Variants in FGF12 observed in about 807,000 individuals in gnomAD.
FGF12 encodes the protein fibroblast growth factor 12, also known as fibroblast growth factor 12B.
Under a neutral mutation model 23.6 loss-of-function variants are expected in FGF12, and 14 were observed. That is an observed-to-expected ratio of 0.59 (90% CI 0.39 to 0.93). The LOEUF (loss-of-function observed/expected upper bound fraction) is 0.93. FGF12 is among the 40% of genes least tolerant of loss of function. FGF12 has a pLI of 0.00. For missense variants in FGF12, 175 were observed against 217.8 expected (o/e 0.80, Z 1.24); for synonymous variants, 62 against 77.3 (o/e 0.80, Z 1.04).
chr3:192,630,479 A>G (rs977268014), intron 2 of FGF12, among the ~76,000 whole-genome samples: 11 of 151,450 alleles, frequency 7.3e-5, no homozygotes, highest in African/African-American at 2.4e-4. Flanking sequence ...TACCTAACAA[A>G]GGCTGAACTA....
chr3:192,439,709 G>T (rs761770781), intron 2 of FGF12, among the ~76,000 whole-genome samples: 1 of 152,150 alleles, frequency 6.6e-6, no homozygotes, highest in Non-Finnish European at 1.5e-5. Context: ...AGGCGTGGTG[G>T]CTCACGCCTG....
intron 2 of FGF12, among the ~76,000 whole-genome samples, chr3:192,667,810 A>G (rs868137495): frequency 6.6e-6 from 1 of 151,996 alleles, no homozygotes; most frequent in Non-Finnish European, 1.5e-5. Context: ...AGAGTGAGAT[A>G]TTGACACATT....
chr3:192,413,150 T>A (rs963192480), intron 2 of FGF12, among the ~76,000 whole-genome samples: 1 of 152,180 alleles, frequency 6.6e-6, no homozygotes, highest in African/African-American at 2.4e-5. Context: ...AACAGAGGCT[T>A]TTTGGTCTTT....
chr3:192,291,303 A>T (rs559933162), intron 4 of FGF12, among the ~76,000 whole-genome samples: 21 of 152,228 alleles, frequency 1.4e-4, no homozygotes, highest in Non-Finnish European at 2.2e-4. Context: ...ACTACAGGCC[A>T]GGCATGGTGG....
At chr3:192,551,103 T>C (rs1711515889) in intron 2 of FGF12, among the ~76,000 whole-genome samples, 1 of 152,310 alleles carries the variant, frequency 6.6e-6, no homozygotes, top group South Asian at 2.1e-4. Flanking sequence ...CAAAAACTAT[T>C]AACACATTAT....
At chr3:192,182,434 C>T (rs773591023) in intron 4 of FGF12, among the ~76,000 whole-genome samples, 38 of 152,036 alleles carry the variant, frequency 2.5e-4, no homozygotes, top group Non-Finnish European at 4.9e-4. Context: ...GCTCACAAAA[C>T]AAAGATGACT....
chr3:192,437,026 G>A (rs1032871410), intron 2 of FGF12, among the ~76,000 whole-genome samples: 6 of 152,314 alleles, frequency 3.9e-5, no homozygotes, highest in South Asian at 2.1e-4. Context: ...GTTTAAGGAC[G>A]AGAGTGATAT....
rs961570007 is a variant in FGF12 at position 192,409,485 on chromosome 3, C to T, written c.14-48947G>A. Among the ~76,000 whole-genome samples the T allele has an allele frequency of 1.3e-5, 2 of 152,104 alleles. No homozygotes were observed. The highest frequency in any genetic ancestry group is 2.4e-5 in the African/African-American group (1 of 41,434). Reference sequence around the variant, plus strand: ...CGCTGCTGCCCGTGCCCCCTAGGCTCGCGCGCCCCGGCAGTCAGCAGCTCA... The same window carrying T: ...CGCTGCTGCCCGTGCCCCCTAGGCTTGCGCGCCCCGGCAGTCAGCAGCTCA... On this transcript the variant is annotated intron_variant, in intron 2 of 5. Coordinates refer to ENST00000445105, the MANE Select transcript of FGF12 (RefSeq NM_004113.6). This position sits in a 1 kb window ranked among gnomAD's most constrained non-coding sequence, Gnocchi z 4.8.
chr3:192,155,533 G>T (rs1445447871), intron 5 of FGF12, among the ~76,000 whole-genome samples: 1 of 152,044 alleles, frequency 6.6e-6, no homozygotes, highest in Non-Finnish European at 1.5e-5. Flanking sequence ...GTTTTGGGGG[G>T]GAGCTTAAGA....
chr3:192,216,560 C>T (rs1361802799), intron 4 of FGF12, among the ~76,000 whole-genome samples: 1 of 151,958 alleles, frequency 6.6e-6, no homozygotes, highest in Non-Finnish European at 1.5e-5. Flanking sequence ...TAAACAATAC[C>T]TTTAAAATGC....
intron 4 of FGF12, among the ~76,000 whole-genome samples, chr3:192,190,631 G>A (rs533073637): frequency 1.8e-4 from 28 of 151,486 alleles, no homozygotes; most frequent in South Asian, 1.3e-3. Context: ...GCCCGCCACC[G>A]CGCCCGGCTA....
chr3:192,599,418 A>G (rs1714015550), intron 2 of FGF12, among the ~76,000 whole-genome samples: 1 of 151,986 alleles, frequency 6.6e-6, no homozygotes, highest in Non-Finnish European at 1.5e-5. Flanking sequence ...GACTACTTAT[A>G]TACTACCTAT....
chr3:192,558,715 T>C (rs1393010655), intron 2 of FGF12, among the ~76,000 whole-genome samples: 1 of 151,888 alleles, frequency 6.6e-6, no homozygotes, highest in Non-Finnish European at 1.5e-5. Flanking sequence ...CAAAGCAACA[T>C]AATCAATGCA....
At chr3:192,528,401 T>C (rs1350125974) in intron 2 of FGF12, among the ~76,000 whole-genome samples, 1 of 152,142 alleles carries the variant, frequency 6.6e-6, no homozygotes, top group Non-Finnish European at 1.5e-5. Context: ...CCCATGCTCT[T>C]GGGCAGCTCG....
rs1482955868 is a variant in FGF12 at position 192,336,524 on chromosome 3, A to G, written c.125-1060T>C. ...CATTGCATATGGAAGAAAAGCAATC[A>G]TATAGTTAGGCTCTATAGATGGCAA... On this transcript the variant is annotated intron_variant, in intron 3 of 5. Coordinates refer to ENST00000445105, the MANE Select transcript of FGF12 (RefSeq NM_004113.6). The surrounding 1 kb of genome is among the most constrained non-coding windows in gnomAD (Gnocchi z 4.3). Among the ~76,000 whole-genome samples the G allele has an allele frequency of 6.6e-6, 1 of 152,130 alleles. No individual in the cohort carries two copies. Among genetic ancestry groups the G allele is most frequent in the African/African-American group, 2.4e-5 (1 of 41,460 alleles).
At position 192,446,290 on chromosome 3, in the gene FGF12, A is replaced by G. The variant is rs73889335; in HGVS notation, c.14-85752T>C. Among the ~76,000 whole-genome samples the G allele has an allele frequency of 5.3e-3, 812 of 152,330 alleles. 9 individuals are homozygous for G. Among genetic ancestry groups the G allele is most frequent in the African/African-American group, 0.018 (764 of 41,584 alleles). On this transcript the variant is annotated intron_variant, in intron 2 of 5. Coordinates refer to ENST00000445105, the MANE Select transcript of FGF12 (RefSeq NM_004113.6). ...GCTGTATACCAAGTGAAAAACATAGATTGGTATTCTCTCAACAAAACTGCT... is the reference window on the plus strand; with the variant it reads ...GCTGTATACCAAGTGAAAAACATAGGTTGGTATTCTCTCAACAAAACTGCT...
intron 4 of FGF12, among the ~76,000 whole-genome samples, chr3:192,206,034 A>G (rs1158270204): frequency 1.3e-5 from 2 of 152,162 alleles, no homozygotes; most frequent in African/African-American, 4.8e-5. Context: ...GTTGAAGATG[A>G]CTCCAAGAAA....
Position 192,360,607 on chromosome 3 carries a change from AAC to A in FGF12, c.14-71_14-70del. On this transcript the variant is annotated intron_variant, in intron 2 of 5. Coordinates refer to ENST00000445105, the MANE Select transcript of FGF12 (RefSeq NM_004113.6). This position sits in a 1 kb window ranked among gnomAD's most constrained non-coding sequence, Gnocchi z 4.3. ...AAATGCACACTTACAGATTGTTAAAAACATCCTGTAAGTAAATACGTAAATGC... is the reference window on the plus strand; with the variant it reads ...AAATGCACACTTACAGATTGTTAAAAATCCTGTAAGTAAATACGTAAATGC... 9.6e-7 allele frequency: 1 copy of A among 1,040,194 alleles called. No individual in the cohort carries two copies. Among genetic ancestry groups the A allele is most frequent in the Non-Finnish European group, 1.5e-6 (1 of 661,836 alleles). 64.4% of individuals were successfully genotyped at this position (1,040,194 alleles called of 1,614,324 possible). A position where few individuals can be genotyped will look rare whatever the true frequency, so the allele number is the denominator to read the frequency against.
At chr3:192,495,150 C>T (rs929565693) in intron 2 of FGF12, among the ~76,000 whole-genome samples, 1 of 152,134 alleles carries the variant, frequency 6.6e-6, no homozygotes, top group Admixed American at 6.6e-5. Flanking sequence ...TGAGCCACTG[C>T]ACCTGGCCAC....
Sources: gnomAD v4.1 joint callset for allele counts (sites outside exome capture counted in the v4.1 genomes callset) on GRCh38, gnomAD v4.1.1 for gene constraint, Gnocchi (gnomAD v3.1) non-coding constraint, MANE v1.5 for transcripts, NCBI Gene and HGNC (gene_info 2026-07-23, HGNC 2026-07-21) for gene names.